Variants in YEATS2 observed in about 807,000 individuals in gnomAD.
YEATS2 encodes the protein YEATS domain-containing protein 2.
In YEATS2, 77 loss-of-function variants were observed where a neutral mutation model predicts 163.2. The observed-to-expected ratio is 0.47, with a 90% CI of 0.39 to 0.57. The LOEUF is 0.57. Among genes scored for constraint, YEATS2 ranks in the 20% least tolerant of loss-of-function variants. The probability of loss-of-function intolerance (pLI) is 0.00; values close to 1 mark genes in which losing one functional copy is unlikely to be tolerated. For missense variants in YEATS2, 1,549 were observed against 1,729.8 expected (o/e 0.90, Z 1.85); for synonymous variants, 631 against 645.1 (o/e 0.98, Z 0.33).
intron 9 of YEATS2, among the ~76,000 whole-genome samples, chr3:183,750,887 C>G (rs566103765): frequency 9.3e-4 from 142 of 152,226 alleles, no homozygotes; most frequent in African/African-American, 3.3e-3. Context: ...TACTTCCATT[C>G]CGTGTTATAT....
rs774919258 is a variant in YEATS2 at position 183,791,089 on chromosome 3, A to G, written c.3097+109A>G. The G allele has an allele frequency of 3.7e-4, 515 of 1,410,180 alleles. 1 individual carries two copies. Among genetic ancestry groups the G allele is most frequent in the Middle Eastern group, 2.5e-3 (12 of 4,860 alleles). 87.4% of individuals were successfully genotyped at this position (1,410,180 alleles called of 1,614,324 possible). On this transcript the variant is annotated intron_variant, in intron 21 of 30. Transcript: ENST00000305135. The stretch of plus-strand genomic sequence containing the variant: ...CACTCTGTCGCCCAAGCTAGAGTGC[A>G]ATATCACAATCTCGACTCACTGCAA...
At chr3:183,804,987 T>C (rs1726038289) in intron 27 of YEATS2, among the ~76,000 whole-genome samples, 2 of 147,938 alleles carry the variant, frequency 1.4e-5, no homozygotes, top group Admixed American at 1.3e-4. Context: ...AGACTCCGTC[T>C]CAAAAAAAAA....
At chr3:183,714,378 A>G (rs769385330) in intron 1 of YEATS2, among the ~76,000 whole-genome samples, 7 of 148,946 alleles carry the variant, frequency 4.7e-5, no homozygotes, top group Non-Finnish European at 8.9e-5. Flanking sequence ...TTGTATTTTT[A>G]GTAGAGACGG....
rs146705467 is a variant in YEATS2, at chr3:183,775,955, CGGA to C, written c.2436_2438del (p.Gly814del). 662,181 of 1,543,238 alleles carry C rather than the reference CGGA, an allele frequency of 0.43. 111,396 individuals carry two copies. The highest frequency in any genetic ancestry group is 0.52 in the Middle Eastern group (2,520 of 4,862). On this transcript the variant is annotated inframe_deletion, in exon 18 of 31. Transcript: ENST00000305135. The stretch of plus-strand genomic sequence containing the variant: ...CAGCTGCCAGTGGTGGGAGTGGTGC[CGGA>C]GGAGGAGGAGGAGGAGGAGGAGGAG...
intron 6 of YEATS2, among the ~76,000 whole-genome samples, chr3:183,726,862 C>T (rs535827773): frequency 3.9e-5 from 6 of 152,204 alleles, no homozygotes; most frequent in East Asian, 1.9e-4. Flanking sequence ...AGTGCAATGG[C>T]GCGATCTCAG....
At chr3:183,804,937 C>T (rs1403068796) in intron 27 of YEATS2, among the ~76,000 whole-genome samples, 3 of 151,352 alleles carry the variant, frequency 2.0e-5, no homozygotes, top group Non-Finnish European at 4.4e-5. Flanking sequence ...TGCAGTGAGC[C>T]GAGATTGCAC....
chr3:183,723,057 C>T (rs907824284), intron 5 of YEATS2, among the ~76,000 whole-genome samples: 3 of 152,232 alleles, frequency 2.0e-5, no homozygotes, highest in Non-Finnish European at 2.9e-5. Flanking sequence ...TCGGCAATTC[C>T]GTGATCTTGC....
chr3:183,774,462 A>G (rs1002476217), intron 17 of YEATS2, among the ~76,000 whole-genome samples: 2 of 152,158 alleles, frequency 1.3e-5, no homozygotes, highest in African/African-American at 4.8e-5. Context: ...GTTGTCTTCC[A>G]TGAAACTGGT....
At chr3:183,810,298 T>G (rs1449672611) in intron 30 of YEATS2, 177 bp from the exon 31 acceptor site, 1 of 566,532 alleles carries the variant, frequency 1.8e-6, no homozygotes, top group African/African-American at 1.9e-5. Context: ...ATCCTTCTCA[T>G]GCCTATGACA....
At chr3:183,742,597 GTGGCTTCTT>G (rs1719090007) in intron 8 of YEATS2, among the ~76,000 whole-genome samples, 1 of 152,216 alleles carries the variant, frequency 6.6e-6, no homozygotes, top group Non-Finnish European at 1.5e-5. Flanking sequence ...AGCAAAGTAA[GTGGCTTCTT>G]GAGATGGCAT....
intron 22 of YEATS2, 58 bp downstream of exon 22, chr3:183,798,109 T>A: frequency 6.2e-7 from 1 of 1,602,442 alleles, no homozygotes; most frequent in Non-Finnish European, 8.5e-7. Context: ...CTCCCCGCAT[T>A]TACCAGGTGG....
chr3:183,766,148 G>A (rs558585317), intron 15 of YEATS2, among the ~76,000 whole-genome samples: 2 of 152,320 alleles, frequency 1.3e-5, no homozygotes, highest in South Asian at 4.1e-4. Flanking sequence ...AAAGTAGAAG[G>A]AGCATGAGCT....
At chr3:183,744,569 T>C (rs1719330363) in intron 8 of YEATS2, among the ~76,000 whole-genome samples, 1 of 152,204 alleles carries the variant, frequency 6.6e-6, no homozygotes, top group Non-Finnish European at 1.5e-5. Flanking sequence ...TGGAAGATTA[T>C]TGGAGACAAG....
At chr3:183,782,829 T>C (rs1307873418) in intron 19 of YEATS2, among the ~76,000 whole-genome samples, 2 of 151,992 alleles carry the variant, frequency 1.3e-5, no homozygotes, top group Non-Finnish European at 2.9e-5. Flanking sequence ...AAAACTGCCA[T>C]AAATATTCTT....
intron 15 of YEATS2, among the ~76,000 whole-genome samples, chr3:183,770,617 A>G (rs1401181615): frequency 6.6e-6 from 1 of 152,144 alleles, no homozygotes; most frequent in Non-Finnish European, 1.5e-5. Flanking sequence ...GTTGAAGTCC[A>G]CTTTGTTCTT....
intron 9 of YEATS2, among the ~76,000 whole-genome samples, chr3:183,749,844 G>A (rs1428149559): frequency 6.6e-6 from 1 of 151,946 alleles, no homozygotes; most frequent in Non-Finnish European, 1.5e-5. Flanking sequence ...TTGAGATGGA[G>A]TCTCGCTCTG....
At chr3:183,761,645 G>A (rs765355442) in intron 14 of YEATS2, 31 bp downstream of exon 14, 1 of 1,593,396 alleles carries the variant, frequency 6.3e-7, no homozygotes, top group African/African-American at 1.3e-5. Flanking sequence ...TGTCCCACAA[G>A]TCATAATACT....
intron 21 of YEATS2, among the ~76,000 whole-genome samples, chr3:183,791,207 G>A (rs1213229396): frequency 2.0e-5 from 3 of 152,082 alleles, no homozygotes; most frequent in Admixed American, 6.6e-5. Context: ...CTAATTTTTT[G>A]TGTTTTTGGT....
At chr3:183,775,273 C>G (rs1201092068) in intron 17 of YEATS2, among the ~76,000 whole-genome samples, 1 of 152,174 alleles carries the variant, frequency 6.6e-6, no homozygotes, top group Admixed American at 6.5e-5. Context: ...TGGGAAGCAC[C>G]TAGCTGAGCA....
Sources: allele counts gnomAD v4.1 joint callset (sites outside exome capture counted in the v4.1 genomes callset), GRCh38; gene constraint gnomAD v4.1.1; transcripts MANE v1.5; gene names NCBI Gene and HGNC (gene_info 2026-07-23, HGNC 2026-07-21).